The following DNAH17 variants were observed in gnomAD, a reference collection of about 807,000 sequenced individuals.
The protein encoded by DNAH17 is dynein axonemal heavy chain 17, also known as axonemal beta dynein heavy chain 17.
Under a neutral mutation model 485.6 loss-of-function variants are expected in DNAH17, and 376 were observed. The ratio of observed to expected loss-of-function variants is 0.77; its 90% CI spans 0.71 to 0.84. The LOEUF (loss-of-function observed/expected upper bound fraction) is 0.84, where lower values mean the gene tolerates loss of function less well. Among genes scored for constraint, DNAH17 ranks in the 40% least tolerant of loss-of-function variants. The probability of loss-of-function intolerance (pLI) is 0.00; values close to 1 mark genes in which losing one functional copy is unlikely to be tolerated. For missense variants in DNAH17, 6,370 were observed against 5,839.3 expected, an observed-to-expected ratio of 1.09 and a Z score of -2.96; for synonymous variants, 3,031 against 2,405.9, an observed-to-expected ratio of 1.26 and a Z score of -7.60.
chr17:78,552,075 A>C (rs2091914588), intron 15 of DNAH17, among the ~76,000 whole-genome samples: 1 of 152,330 alleles, frequency 6.6e-6, no homozygotes, highest in South Asian at 2.1e-4. Context: ...CATGATTCCC[A>C]GAAGAAATCG....
Position 78,574,773 on chromosome 17 carries a change from C to G in DNAH17, c.285G>C (p.Arg95=), listed in dbSNP as rs749963493. The change falls in exon 2 of 81, where the codon CGG becomes CGC. Residue 95 remains arginine (R), a synonymous_variant. Transcript: ENST00000389840. ...TGGGGCTGATGTCGCCGTAAAGGAGCCGGGCCCTGTAGTTGTCCTTGTTGA... is the reference window on the plus strand; with the variant it reads ...TGGGGCTGATGTCGCCGTAAAGGAGGCGGGCCCTGTAGTTGTCCTTGTTGA... ...ENINKDNYRA[R]LLYGDISPTP... The G allele has an allele frequency of 1.2e-6, 2 of 1,613,906 alleles. No homozygotes were observed. Among genetic ancestry groups the G allele is most frequent in the South Asian group, 2.2e-5 (2 of 91,066 alleles).
chr17:78,518,730 A>G (rs1321493490), intron 25 of DNAH17, among the ~76,000 whole-genome samples: 1 of 152,236 alleles, frequency 6.6e-6, no homozygotes, highest in East Asian at 1.9e-4. Flanking sequence ...ACATTCCCCC[A>G]GACAGACTAT....
Position 78,500,963 on chromosome 17 carries a change from C to G in DNAH17, c.5483+221G>C, listed in dbSNP as rs762305480. The G allele has an allele frequency of 2.9e-5, 13 of 440,904 alleles. No individual in the cohort carries two copies. The East Asian group carries it at 4.1e-4, about 14-fold the overall frequency. 27.3% of individuals were successfully genotyped at this position (440,904 alleles called of 1,614,324 possible). ...GAGGGTCCATAAAACATGACCCCAACTCAGCAGGCCCACAGAGGGGTGCAG... is the reference window on the plus strand; with the variant it reads ...GAGGGTCCATAAAACATGACCCCAAGTCAGCAGGCCCACAGAGGGGTGCAG... On this transcript the variant is annotated intron_variant, in intron 35 of 80. Coordinates refer to ENST00000389840, the MANE Select transcript of DNAH17 (RefSeq NM_173628.4).
intron 53 of DNAH17, 46 bp downstream of exon 53, chr17:78,475,623 C>A: frequency 6.2e-7 from 1 of 1,608,750 alleles, no homozygotes; most frequent in Non-Finnish European, 8.5e-7. Flanking sequence ...GAGAGGGTGA[C>A]CCGGTCCAGG....
chr17:78,572,898 A>G lies in DNAH17; in HGVS notation c.346-4T>C, dbSNP rs564458162. 17 of 1,612,916 alleles carry G rather than the reference A, an allele frequency of 1.1e-5. No homozygotes were observed. In the African/African-American group the frequency reaches 2.1e-4, roughly 20 times the overall value. On this transcript the variant is annotated splice_polypyrimidine_tract_variant and splice_region_variant and intron_variant, in intron 2 of 80. Transcript: ENST00000389840. The stretch of plus-strand genomic sequence containing the variant: ...GGTTTAACAGAGAAGAGAGGACCTA[A>G]AAGGAAACACTTCTGTGGTTCCGCC...
chr17:78,526,775 GC>G, intron 23 of DNAH17, 38 bp from the exon 24 acceptor site: 5 of 1,573,988 alleles, frequency 3.2e-6, no homozygotes, highest in Non-Finnish European at 4.3e-6. Context: ...GAGTCACGGG[GC>G]GGCCACCTGC....
Position 78,444,849 on chromosome 17 carries a change from G to A in DNAH17, c.11335-52C>T, listed in dbSNP as rs970579431. The A allele has an allele frequency of 4.6e-5, 69 of 1,514,304 alleles. 1 individual carries two copies. In the South Asian group the frequency reaches 6.6e-4, roughly 15 times the overall value. 93.8% of individuals were successfully genotyped at this position (1,514,304 alleles called of 1,614,324 possible). A position where few individuals can be genotyped will look rare whatever the true frequency, so the allele number is the denominator to read the frequency against. The stretch of plus-strand genomic sequence containing the variant: ...GACTCTTCCCACTTACCCGGGTCCC[G>A]AGAGCCTTCCTGTACAGTTCATTCA... On this transcript the variant is annotated intron_variant, in intron 70 of 80. Coordinates refer to ENST00000389840, the MANE Select transcript of DNAH17 (RefSeq NM_173628.4).
At position 78,459,064 on chromosome 17, in the gene DNAH17, C is replaced by A. The variant is rs779974596; in HGVS notation, c.9798G>T (p.Glu3266Asp). The A allele has an allele frequency of 6.2e-7, 1 of 1,614,060 alleles. No homozygotes were observed. Among genetic ancestry groups the A allele is most frequent in the Non-Finnish European group, 8.5e-7 (1 of 1,179,906 alleles). The change falls in exon 61 of 81, where the codon GAG becomes GAT. Residue 3266 changes from glutamate (E) to aspartate (D), a missense_variant. Glu to Asp is a conservative substitution (Grantham distance 45). Transcript: ENST00000389840. ...CCTCTGCCAGCTCTGCATTAGCCTC[C>A]TCCAGTGCCTGCCTCTTGGGCGCCA... ...CDVAPKRQAL[E>D]EANAELAEAQ... is the part of the protein sequence containing the mutation.
Position 78,466,655 on chromosome 17 carries a change from C to T in DNAH17, c.8940G>A (p.Pro2980=), listed in dbSNP as rs766958600. Residue 2980 remains proline, a splice_region_variant and synonymous_variant, in exon 56 of 81, where the codon CCG becomes CCA. Transcript: ENST00000389840. ...GGCAGAGGTGGCCTCAGTGACTCAC[C>T]GGAATCCCCTCAGTCTCCTCCAGGA... The part of the protein sequence containing the change: ...ARFLEETEGI[P]WEVKASISFF... 1.2e-5 allele frequency: 19 copies of T among 1,605,616 alleles called. No individual in the cohort carries two copies. Among genetic ancestry groups the T allele is most frequent in the South Asian group, 6.7e-5 (6 of 90,096 alleles).
chr17:78,430,308 G>T (rs1468779144), intron 75 of DNAH17, among the ~76,000 whole-genome samples: 1 of 147,598 alleles, frequency 6.8e-6, no homozygotes, highest in East Asian at 1.9e-4. Context: ...CATGTAATTG[G>T]GATAAAAATA....
chr17:78,468,808 C>T lies in DNAH17; in HGVS notation c.8587G>A (p.Val2863Met), dbSNP rs778179558. 3.1e-6 allele frequency: 5 copies of T among 1,613,918 alleles called. No homozygotes were observed. In the Admixed American group the frequency reaches 6.7e-5, roughly 22 times the overall value. The change falls in exon 55 of 81, where the codon GTG becomes ATG. Residue 2863 changes from valine (V) to methionine (M), a missense_variant. Coordinates refer to ENST00000389840, the MANE Select transcript of DNAH17 (RefSeq NM_173628.4). ...AGCACCAGAAACTGCTCCTCGGCCA[C>T]CTGGGAGTCTGTCATCAGGAACACC... ...PSVFLMTDSQ[V>M]AEEQFLVLIN...
rs61737665 is a variant in DNAH17 at position 78,507,305 on chromosome 17, T to C, written c.4649A>G (p.Tyr1550Cys). 4 of 1,613,914 alleles carry C rather than the reference T, an allele frequency of 2.5e-6. No individual in the cohort carries two copies. The highest frequency in any genetic ancestry group is 3.3e-5 in the Admixed American group (2 of 59,996). ...VVEATSKPGL[Y>C]NKLEALKKSL... ...CTTCTTCAGGGCCTCCAGTTTATTG[T>C]AGAGGCCGGGTTTGCTGGTGGCTTC... Residue 1550 changes from tyrosine (Y) to cysteine (C), a missense_variant, in exon 29 of 81, where the codon TAC becomes TGC. By Grantham distance (194) the Tyr-to-Cys change is radical (BLOSUM62 -2). Transcript: ENST00000389840.
chr17:78,569,177 G>A lies in DNAH17; in HGVS notation c.1273C>T (p.Gln425Ter). ...SRINSFFQRI[Q>*]TIEELYKTAI... ...AGTTCTGTTTTTACCTCAATGGTCT[G>A]GATGCGCTGGAAGAAGGAATTTATC... The change falls in exon 9 of 81, where the codon CAG (glutamine) becomes TAG (stop). Residue 425 changes from glutamine to a stop codon, truncating the protein, a stop_gained. Transcript: ENST00000389840. LOFTEE classifies it high-confidence loss of function. The A allele has an allele frequency of 6.2e-7, 1 of 1,603,194 alleles. No homozygotes were observed. The highest frequency in any genetic ancestry group is 1.3e-5 in the African/African-American group (1 of 74,874).
intron 75 of DNAH17, among the ~76,000 whole-genome samples, chr17:78,429,807 C>T (rs955721493): frequency 2.0e-5 from 3 of 152,210 alleles, no homozygotes; most frequent in Admixed American, 6.5e-5. Flanking sequence ...AGTCGTTAGT[C>T]ATGTCTTCAG....
chr17:78,539,656 T>A (rs769510368), intron 18 of DNAH17, 81 bp downstream of exon 18: 1 of 1,191,216 alleles, frequency 8.4e-7, no homozygotes, highest in Non-Finnish European at 1.1e-6. Flanking sequence ...GATAGCCTGT[T>A]CATCAAGAAA....
At chr17:78,425,088 GT>G in intron 80 of DNAH17, 1 of 404,050 alleles carries the variant, frequency 2.5e-6, no homozygotes, top group Non-Finnish European at 4.5e-6. Flanking sequence ...AAGCTCTGCT[GT>G]TTTCATTAAA....
At chr17:78,572,555 G>C in intron 3 of DNAH17, 146 bp downstream of exon 3, 2 of 770,758 alleles carry the variant, frequency 2.6e-6, no homozygotes, top group Non-Finnish European at 4.0e-6. Context: ...GCACCACCTT[G>C]CCCTGCATTT....
At chr17:78,569,569 CA>C (rs771386900) in intron 7 of DNAH17, 42 bp from the exon 8 acceptor site, 14 of 1,576,616 alleles carry the variant, frequency 8.9e-6, no homozygotes, top group Non-Finnish European at 1.2e-5. Flanking sequence ...TCCGACAAGC[CA>C]TTTGGGGTGA....
chr17:78,559,937 A>G (rs768930072), intron 13 of DNAH17, among the ~76,000 whole-genome samples: 8 of 151,550 alleles, frequency 5.3e-5, no homozygotes, highest in Admixed American at 1.3e-4. Flanking sequence ...GCTCAGCGGC[A>G]CTCTGACCTC....
Sources: allele counts gnomAD v4.1 joint callset (sites outside exome capture counted in the v4.1 genomes callset), GRCh38; gene constraint gnomAD v4.1.1; transcripts MANE v1.5; gene names NCBI Gene and HGNC (gene_info 2026-07-23, HGNC 2026-07-21).